The following NPTXR variants were observed in gnomAD, a reference collection of about 807,000 sequenced individuals.
The protein encoded by NPTXR is neuronal pentraxin receptor.
In NPTXR, 12 loss-of-function variants were observed where a neutral mutation model predicts 32.2. The ratio of observed to expected loss-of-function variants is 0.37; its 90% CI spans 0.24 to 0.60. NPTXR has a LOEUF of 0.60. Ranked by LOEUF, NPTXR falls within the 20% of genes least tolerant of loss-of-function variation. NPTXR has a pLI of 0.66. For missense variants in NPTXR, 612 were observed against 682.9 expected (o/e 0.90, Z 1.16); for synonymous variants, 323 against 315.8 (o/e 1.02, Z -0.24).
intron 1 of NPTXR, among the ~76,000 whole-genome samples, chr22:38,830,235 C>A (rs576080900): frequency 6.6e-6 from 1 of 152,262 alleles, no homozygotes; most frequent in East Asian, 1.9e-4. Flanking sequence ...GATCATTTTT[C>A]CCCTTCTATA....
intron 1 of NPTXR, among the ~76,000 whole-genome samples, chr22:38,840,681 G>A (rs999259871): frequency 1.3e-5 from 2 of 152,184 alleles, no homozygotes; most frequent in Non-Finnish European, 2.9e-5. Context: ...GTGTTGATGG[G>A]TCTGGAGCTT....
chr22:38,838,271 C>T lies in NPTXR; in HGVS notation c.624+4964G>A, dbSNP rs561790642. Among the ~76,000 whole-genome samples, 292 of 152,208 alleles carry T rather than the reference C, an allele frequency of 1.9e-3. 1 individual carries two copies. Among genetic ancestry groups the T allele is most frequent in the Admixed American group, 3.6e-3 (55 of 15,268 alleles). On this transcript the variant is annotated intron_variant, in intron 1 of 4. Transcript: ENST00000333039. ...GGTGGGGGGCGGGGCAGGGATTTGC[C>T]TGGGTCTGTGTCCTTCACTGTCTCT...
Position 38,843,452 on chromosome 22 carries a change from G to T in NPTXR, c.407C>A (p.Thr136Lys). 7.3e-7 allele frequency: 1 copy of T among 1,364,296 alleles called. No homozygotes were observed. The highest frequency in any genetic ancestry group is 9.4e-7 in the Non-Finnish European group (1 of 1,064,482). 84.5% of individuals were successfully genotyped at this position (1,364,296 alleles called of 1,614,324 possible). ...GATGCGCGCCTCCTGCTGCAGCGCCGTCTGGCGCAGCTGCTCGGCCGTGCT... is the reference window on the plus strand; with the variant it reads ...GATGCGCGCCTCCTGCTGCAGCGCCTTCTGGCGCAGCTGCTCGGCCGTGCT... The change falls in exon 1 of 5, where the codon ACG (threonine) becomes AAG (lysine). Residue 136 changes from threonine (T) to lysine (K), a missense_variant. Physicochemically the swap from Thr to Lys is moderately conservative, Grantham distance 78 (BLOSUM62 -1). Coordinates refer to ENST00000333039, the MANE Select transcript of NPTXR (RefSeq NM_014293.4). The surrounding 1 kb of genome is among the most constrained non-coding windows in gnomAD (Gnocchi z 5.3).
Position 38,822,454 on chromosome 22 carries a change from C to G in NPTXR, c.*155G>C. On this transcript the variant is annotated 3_prime_UTR_variant, in exon 5 of 5. Transcript: ENST00000333039. The stretch of plus-strand genomic sequence containing the variant: ...GGACACACTCGCAGGGCAGGGCATT[C>G]TGGAGGTGTGGGTACAGGTGAGGGG... 1.5e-6 allele frequency: 1 copy of G among 661,138 alleles called. No homozygotes were observed. Among genetic ancestry groups the G allele is most frequent in the Non-Finnish European group, 2.7e-6 (1 of 376,202 alleles). 41.0% of individuals were successfully genotyped at this position (661,138 alleles called of 1,614,324 possible).
chr22:38,825,195 G>C (rs1165100462), intron 3 of NPTXR, among the ~76,000 whole-genome samples: 1 of 152,208 alleles, frequency 6.6e-6, no homozygotes, highest in African/African-American at 2.4e-5. Context: ...GGCTGAAGGA[G>C]GGGCATCGGG....
chr22:38,832,111 G>C (rs2146195685), intron 1 of NPTXR, among the ~76,000 whole-genome samples: 1 of 152,320 alleles, frequency 6.6e-6, no homozygotes, highest in African/African-American at 2.4e-5. Flanking sequence ...TGCGGGCTGA[G>C]GGGGTGTGCG....
chr22:38,843,544 C>A lies in NPTXR; in HGVS notation c.315G>T (p.Ser105=), dbSNP rs1353489774. 1.6e-6 allele frequency: 2 copies of A among 1,246,300 alleles called. No homozygotes were observed. Among genetic ancestry groups the A allele is most frequent in the Non-Finnish European group, 2.0e-6 (2 of 996,702 alleles). The allele number at this position is 1,246,300 out of a possible 1,614,324, so 77.2% of individuals were successfully genotyped here. Reference sequence around the variant, plus strand: ...CCGCCGCGTCCCCCTGCTGGGCCCCCGACGGGCAGGCAGCAGCCAGCGGCG... The same window carrying A: ...CCGCCGCGTCCCCCTGCTGGGCCCCAGACGGGCAGGCAGCAGCCAGCGGCG... Residue 105 remains serine (S), a synonymous_variant, in exon 1 of 5, where the codon TCG becomes TCT. Transcript: ENST00000333039. The surrounding 1 kb of genome is among the most constrained non-coding windows in gnomAD (Gnocchi z 5.3).
chr22:38,843,929 G>T lies in NPTXR; in HGVS notation c.-71C>A. On this transcript the variant is annotated 5_prime_UTR_variant, in exon 1 of 5. Coordinates refer to ENST00000333039, the MANE Select transcript of NPTXR (RefSeq NM_014293.4). This position sits in a 1 kb window ranked among gnomAD's most constrained non-coding sequence, Gnocchi z 5.3. ...CGGCGGGGTCGGGGCGCGGAGCCCGGGCGCGCTGGGCCGAGCGGGGCAGGC... is the reference window on the plus strand; with the variant it reads ...CGGCGGGGTCGGGGCGCGGAGCCCGTGCGCGCTGGGCCGAGCGGGGCAGGC... The T allele has an allele frequency of 1.1e-6, 1 of 876,184 alleles. No homozygotes were observed. Among genetic ancestry groups the T allele is most frequent in the Non-Finnish European group, 1.4e-6 (1 of 732,734 alleles). 54.3% of individuals were successfully genotyped at this position (876,184 alleles called of 1,614,324 possible). A position where few individuals can be genotyped will look rare whatever the true frequency, so the allele number is the denominator to read the frequency against.
Position 38,843,957 on chromosome 22 carries a change from G to GGGAGCCGGGGCC in NPTXR, c.-100_-99insGGCCCCGGCTCC. 1 of 695,310 alleles carries GGGAGCCGGGGCC rather than the reference G, an allele frequency of 1.4e-6. No individual in the cohort carries two copies. Among genetic ancestry groups the GGGAGCCGGGGCC allele is most frequent in the African/African-American group, 2.0e-5 (1 of 50,742 alleles). 43.1% of individuals were successfully genotyped at this position (695,310 alleles called of 1,614,324 possible). ...GCGCTGGGCCGAGCGGGGCAGGCGC[G>GGGAGCCGGGGCC]GGAGCCGGAGCCGGAGCCGGAGCCG... is the stretch of plus-strand genomic sequence containing the variant. On this transcript the variant is annotated 5_prime_UTR_variant, in exon 1 of 5. Transcript: ENST00000333039. This position sits in a 1 kb window ranked among gnomAD's most constrained non-coding sequence, Gnocchi z 5.3.
chr22:38,833,588 A>G (rs737776), intron 1 of NPTXR, among the ~76,000 whole-genome samples: 61,272 of 151,974 alleles, frequency 0.4, 12,657 homozygotes, highest in East Asian at 0.7. Flanking sequence ...ATAGACAGAA[A>G]GCGCTTAGTG....
chr22:38,834,453 C>T lies in NPTXR; in HGVS notation c.625-5941G>A, dbSNP rs2146196998. Among the ~76,000 whole-genome samples, 1 of 151,696 alleles carries T rather than the reference C, an allele frequency of 6.6e-6. No homozygotes were observed. The highest frequency in any genetic ancestry group is 2.4e-5 in the African/African-American group (1 of 41,310). ...TTCTCCAAGAACATTCTTCCCGCCC[C>T]CACCCCTCCTCTGCCCATTGCCTGC... On this transcript the variant is annotated intron_variant, in intron 1 of 4. Transcript: ENST00000333039. This position sits in a 1 kb window ranked among gnomAD's most constrained non-coding sequence, Gnocchi z 4.4.
Position 38,826,696 on chromosome 22 carries a change from C to A in NPTXR, c.902G>T (p.Arg301Leu), listed in dbSNP as rs763198430. ...CACGCGGGCGTACATGTAGTTGTTA[C>A]GGATGGGGATGCTGATCTTGAAGGC... The change falls in exon 3 of 5, where the codon CGT (arginine) becomes CTT (leucine). Residue 301 changes from arginine (R) to leucine (L), a missense_variant. Coordinates refer to ENST00000333039, the MANE Select transcript of NPTXR (RefSeq NM_014293.4). The A allele has an allele frequency of 1.2e-6, 2 of 1,614,210 alleles. No individual in the cohort carries two copies. The highest frequency in any genetic ancestry group is 1.7e-6 in the Non-Finnish European group (2 of 1,180,044).
At position 38,843,420 on chromosome 22, in the gene NPTXR, C is replaced by G; in HGVS notation, c.439G>C (p.Asp147His). The G allele has an allele frequency of 5.0e-6, 7 of 1,398,510 alleles. No individual in the cohort carries two copies. The highest frequency in any genetic ancestry group is 6.5e-6 in the Non-Finnish European group (7 of 1,083,634). 86.6% of individuals were successfully genotyped at this position (1,398,510 alleles called of 1,614,324 possible). Residue 147 changes from aspartate (D) to histidine (H), a missense_variant, in exon 1 of 5, where the codon GAC (aspartate) becomes CAC (histidine). Physicochemically the swap from Asp to His is moderately conservative, Grantham distance 81 (BLOSUM62 -1). Coordinates refer to ENST00000333039, the MANE Select transcript of NPTXR (RefSeq NM_014293.4). This position sits in a 1 kb window ranked among gnomAD's most constrained non-coding sequence, Gnocchi z 5.3. ...GTGAGCTCACGGATGGTGTCCTGGT[C>G]GGCGCGGATGCGCGCCTCCTGCTGC...
Position 38,843,129 on chromosome 22 carries a change from C to T in NPTXR, c.624+106G>A. 1 of 1,120,852 alleles carries T rather than the reference C, an allele frequency of 8.9e-7. No individual in the cohort carries two copies. Among genetic ancestry groups the T allele is most frequent in the Non-Finnish European group, 1.1e-6 (1 of 888,862 alleles). 69.4% of individuals were successfully genotyped at this position (1,120,852 alleles called of 1,614,324 possible). The stretch of plus-strand genomic sequence containing the variant: ...GCCAGCGAGGAAGGCGCGATCGTCC[C>T]CGGAACACAGACGGGAGACCGGAGG... On this transcript the variant is annotated intron_variant, in intron 1 of 4. Coordinates refer to ENST00000333039, the MANE Select transcript of NPTXR (RefSeq NM_014293.4). This position sits in a 1 kb window ranked among gnomAD's most constrained non-coding sequence, Gnocchi z 5.3.
rs770206274 is a variant in NPTXR at position 38,843,476 on chromosome 22, C to G, written c.383G>C (p.Ser128Thr). ...CGTCTGGCGCAGCTGCTCGGCCGTG[C>G]TCTGCAGCAGCAGCAGCTCTTCGCG... The change falls in exon 1 of 5, where the codon AGC becomes ACC. Residue 128 changes from serine to threonine, a missense_variant. Ser to Thr is a moderately conservative substitution (Grantham distance 58). Coordinates refer to ENST00000333039, the MANE Select transcript of NPTXR (RefSeq NM_014293.4). This position sits in a 1 kb window ranked among gnomAD's most constrained non-coding sequence, Gnocchi z 5.3. 7.5e-7 allele frequency: 1 copy of G among 1,332,654 alleles called. No individual in the cohort carries two copies. The highest frequency in any genetic ancestry group is 3.8e-5 in the Admixed American group (1 of 26,198). 82.6% of individuals were successfully genotyped at this position (1,332,654 alleles called of 1,614,324 possible).
chr22:38,830,341 G>A (rs1443368687), intron 1 of NPTXR, among the ~76,000 whole-genome samples: 1 of 152,204 alleles, frequency 6.6e-6, no homozygotes, highest in East Asian at 1.9e-4. Flanking sequence ...AGTGGGTGCC[G>A]GGGGCATGGT....
chr22:38,832,645 AG>A (rs1290846113), intron 1 of NPTXR, among the ~76,000 whole-genome samples: 1 of 152,202 alleles, frequency 6.6e-6, no homozygotes, highest in Non-Finnish European at 1.5e-5. Context: ...GGAAGTAGGG[AG>A]GCCCACTCAG....
chr22:38,826,441 T>A (rs1001280911), intron 3 of NPTXR, 59 bp downstream of exon 3: 46 of 1,549,470 alleles, frequency 3.0e-5, no homozygotes, highest in Non-Finnish European at 3.6e-5. Context: ...CAGTGTGGAG[T>A]GGGTGCTTCT....
chr22:38,843,673 C>T lies in NPTXR; in HGVS notation c.186G>A (p.Leu62=). The T allele has an allele frequency of 9.9e-7, 1 of 1,014,790 alleles. No homozygotes were observed. Among genetic ancestry groups the T allele is most frequent in the Non-Finnish European group, 1.2e-6 (1 of 851,306 alleles). 62.9% of individuals were successfully genotyped at this position (1,014,790 alleles called of 1,614,324 possible). ...GCCCGGCTGAACCGCCCGCGCCGTGCAGCGCGCTCAGGCTCCGCTGCGGGC... is the reference window on the plus strand; with the variant it reads ...GCCCGGCTGAACCGCCCGCGCCGTGTAGCGCGCTCAGGCTCCGCTGCGGGC... The change falls in exon 1 of 5, where the codon CTG becomes CTA. Residue 62 remains leucine (L), a synonymous_variant. Coordinates refer to ENST00000333039, the MANE Select transcript of NPTXR (RefSeq NM_014293.4). The surrounding 1 kb of genome is among the most constrained non-coding windows in gnomAD (Gnocchi z 5.3).
Sources: allele counts gnomAD v4.1 joint callset (sites outside exome capture counted in the v4.1 genomes callset), GRCh38; gene constraint gnomAD v4.1.1; non-coding constraint Gnocchi (gnomAD v3.1); transcripts MANE v1.5; gene names NCBI Gene and HGNC (gene_info 2026-07-23, HGNC 2026-07-21).